ORC2: variants seen among roughly 807,000 people sequenced by gnomAD.
The protein encoded by ORC2 is origin recognition complex subunit 2.
Under a neutral mutation model 77.7 loss-of-function variants are expected in ORC2, and 37 were observed. That is an observed-to-expected ratio of 0.48 (90% CI 0.37 to 0.63). ORC2 has a LOEUF of 0.63. Among genes scored for constraint, ORC2 ranks in the 20% least tolerant of loss-of-function variants. The pLI is 0.00. For synonymous variants in ORC2, 201 were observed against 229.5 expected (o/e 0.88, Z 1.12); for missense variants, 557 against 661.9 (o/e 0.84, Z 1.74).
At chr2:200,951,109 G>A (rs1161774567) in intron 4 of ORC2, among the ~76,000 whole-genome samples, 3 of 152,128 alleles carry the variant, frequency 2.0e-5, no homozygotes, top group Non-Finnish European at 4.4e-5. Context: ...CATATAGTTG[G>A]AATCATACAG....
intron 2 of ORC2, among the ~76,000 whole-genome samples, chr2:200,958,889 C>T (rs2041520465): frequency 6.6e-6 from 1 of 152,216 alleles, no homozygotes. Context: ...CTGCTGCCAG[C>T]TAATCAGTTT....
chr2:200,963,375 C>T (rs958641384), intron 1 of ORC2, 115 bp downstream of exon 1: 2 of 398,182 alleles, frequency 5.0e-6, no homozygotes, highest in Admixed American at 4.4e-5. Context: ...AGATGCGCGA[C>T]TTGGGACGCT....
At chr2:200,952,406 C>A (rs1559023047) in intron 4 of ORC2, among the ~76,000 whole-genome samples, 1 of 151,996 alleles carries the variant, frequency 6.6e-6, no homozygotes, top group South Asian at 2.1e-4. Flanking sequence ...ACTACAGTCG[C>A]CCGCCACCAC....
chr2:200,942,724 C>T lies in ORC2; in HGVS notation c.382G>A (p.Asp128Asn). 1 of 1,610,262 alleles carries T rather than the reference C, an allele frequency of 6.2e-7. No individual in the cohort carries two copies. The highest frequency in any genetic ancestry group is 1.3e-5 in the African/African-American group (1 of 74,964). The change falls in exon 6 of 18, where the codon GAT (aspartate) becomes AAT (asparagine). Residue 128 changes from aspartate (D) to asparagine (N), a missense_variant. By Grantham distance (23) the Asp-to-Asn change is conservative. Transcript: ENST00000234296. ...QKSVSFSLKN[D>N]PEITINVPQS... ...GGAACGTTTATCGTAATCTCAGGATCATTCTTCAAACTGAATGAAACACTT... is the reference window on the plus strand; with the variant it reads ...GGAACGTTTATCGTAATCTCAGGATTATTCTTCAAACTGAATGAAACACTT...
intron 5 of ORC2, among the ~76,000 whole-genome samples, chr2:200,944,196 TAG>T (rs933108609): frequency 8.2e-4 from 125 of 152,034 alleles, no homozygotes; most frequent in Non-Finnish European, 1.1e-3. Flanking sequence ...TTTTTTGAGA[TAG>T]AGTCTTGCTC....
chr2:200,918,836 A>G (rs2040705469), intron 15 of ORC2, among the ~76,000 whole-genome samples: 1 of 152,024 alleles, frequency 6.6e-6, no homozygotes, highest in Non-Finnish European at 1.5e-5. Context: ...ATTTAAAACA[A>G]AAAAATTCAT....
In ORC2 at chr2:200,913,295, C is replaced by G. The variant is rs1465141596; in HGVS notation, c.1647G>C (p.Lys549Asn). Residue 549 changes from lysine to asparagine, a missense_variant and splice_region_variant, in exon 17 of 18, where the codon AAG becomes AAC. Coordinates refer to ENST00000234296, the MANE Select transcript of ORC2 (RefSeq NM_006190.5). ...FRDHKLIRTK[K>N]GTDGVEYLLI... The stretch of plus-strand genomic sequence containing the variant: ...CAATGCTACAATAGTGGAGTCTTAC[C>G]TTCTTTGTTCTTATAAGCTTGTGGT... 6.3e-7 allele frequency: 1 copy of G among 1,589,214 alleles called. No homozygotes were observed. Among genetic ancestry groups the G allele is most frequent in the East Asian group, 2.4e-5 (1 of 42,164 alleles).
intron 7 of ORC2, among the ~76,000 whole-genome samples, chr2:200,939,363 T>C (rs1437610051): frequency 1.3e-5 from 2 of 152,108 alleles, no homozygotes; most frequent in East Asian, 1.9e-4. Flanking sequence ...CTGCAGAAAA[T>C]TCCTGCTCAA....
intron 6 of ORC2, among the ~76,000 whole-genome samples, chr2:200,941,857 G>A (rs1041332540): frequency 6.6e-6 from 1 of 152,048 alleles, no homozygotes; most frequent in African/African-American, 2.4e-5. Context: ...CATGTTGGCA[G>A]GTACCTGTAA....
chr2:200,955,982 C>T (rs1198801892), intron 4 of ORC2, among the ~76,000 whole-genome samples: 1 of 152,216 alleles, frequency 6.6e-6, no homozygotes, highest in African/African-American at 2.4e-5. Context: ...TCTTGAAATG[C>T]TCCTCCTAGT....
chr2:200,947,854 G>C (rs756480449), intron 5 of ORC2, among the ~76,000 whole-genome samples: 20 of 151,842 alleles, frequency 1.3e-4, no homozygotes, highest in Admixed American at 4.6e-4. Flanking sequence ...TCCTGCTTCA[G>C]CCTCCCAAGT....
chr2:200,941,670 G>T (rs941633079), intron 6 of ORC2, among the ~76,000 whole-genome samples: 2 of 151,534 alleles, frequency 1.3e-5, no homozygotes, highest in Admixed American at 1.3e-4. Flanking sequence ...GAAAAACGGA[G>T]CCCTTTTAAA....
At position 200,935,806 on chromosome 2, in the gene ORC2, C is replaced by T. The variant is rs777464679; in HGVS notation, c.601G>A (p.Asp201Asn). The T allele has an allele frequency of 3.1e-6, 5 of 1,614,012 alleles. No individual in the cohort carries two copies. The South Asian group carries it at 4.4e-5, about 14-fold the overall frequency. The change falls in exon 9 of 18, where the codon GAC (aspartate) becomes AAC (asparagine). Residue 201 changes from aspartate (D) to asparagine (N), a missense_variant. Transcript: ENST00000234296. ...DEGVAQEHEE[D>N]TNAVIFSQKI... is the part of the protein sequence containing the mutation. ...TGGCTGAATATGACTGCATTAGTGT[C>T]CTCTTCATGTTCCTGTGCAACCCCT...
At position 200,920,370 on chromosome 2, in the gene ORC2, G is replaced by C; in HGVS notation, c.1318C>G (p.Leu440Val). Residue 440 changes from leucine (L) to valine (V), a missense_variant, in exon 15 of 18, where the codon CTT becomes GTT. By Grantham distance (32) the Leu-to-Val change is conservative (BLOSUM62 1). Transcript: ENST00000234296. ...PLMWDHAKQS[L>V]FNWLWYETTT... Reference sequence around the variant, plus strand: ...GTTTCATACCAGAGCCAGTTAAAAAGACTCTGCTTTGCATGATCCCACACT... The same window carrying C: ...GTTTCATACCAGAGCCAGTTAAAAACACTCTGCTTTGCATGATCCCACACT... 4 of 1,605,066 alleles carry C rather than the reference G, an allele frequency of 2.5e-6. No individual in the cohort carries two copies. Among genetic ancestry groups the C allele is most frequent in the Non-Finnish European group, 3.4e-6 (4 of 1,174,672 alleles).
rs1230204853 is a variant in ORC2 at position 200,943,799 on chromosome 2, A to C, written c.329-1022T>G. ...CTTCGGTCTTCTATATGATTCACTA[A>C]GTTTTTTTTTTTTTTTTAATCTTCC... On this transcript the variant is annotated intron_variant, in intron 5 of 17. Transcript: ENST00000234296. Among the ~76,000 whole-genome samples the C allele has an allele frequency of 3.4e-5, 5 of 148,728 alleles. No homozygotes were observed. The East Asian group carries it at 7.7e-4, about 23-fold the overall frequency.
intron 13 of ORC2, among the ~76,000 whole-genome samples, chr2:200,924,754 T>C (rs1339177352): frequency 1.3e-5 from 2 of 152,038 alleles, no homozygotes; most frequent in African/African-American, 4.8e-5. Flanking sequence ...AAAGAAATAA[T>C]GTTTTATTTA....
In ORC2 at chr2:200,925,889, G is replaced by A. The variant is rs778998737; in HGVS notation, c.1094C>T (p.Thr365Ile). Residue 365 changes from threonine to isoleucine, a missense_variant, in exon 13 of 18, where the codon ACT becomes ATT. Thr to Ile is a moderately conservative substitution (Grantham distance 89, BLOSUM62 -1). Coordinates refer to ENST00000234296, the MANE Select transcript of ORC2 (RefSeq NM_006190.5). Reference protein sequence around the residue: ...ITEEVLDHMGTFRSILDQLDW... With the variant: ...ITEEVLDHMGIFRSILDQLDW... ...TAGCTGATCCAGTATACTGCGGAAA[G>A]TACCCATATGATCGAGGACTTCTTC... 6.2e-7 allele frequency: 1 copy of A among 1,600,736 alleles called. No homozygotes were observed. Among genetic ancestry groups the A allele is most frequent in the Non-Finnish European group, 8.5e-7 (1 of 1,169,852 alleles).
At position 200,909,167 on chromosome 2, in the gene ORC2, G is replaced by C. The variant is rs1029725772; in HGVS notation, c.*2134C>G. The C allele has an allele frequency of 3.3e-5, 5 of 152,144 alleles. No homozygotes were observed. Among genetic ancestry groups the C allele is most frequent in the Non-Finnish European group, 5.9e-5 (4 of 68,032 alleles). 9.4% of individuals were successfully genotyped at this position (152,144 alleles called of 1,614,324 possible). A position where few individuals can be genotyped will look rare whatever the true frequency, so the allele number is the denominator to read the frequency against. On this transcript the variant is annotated 3_prime_UTR_variant, in exon 18 of 18. Coordinates refer to ENST00000234296, the MANE Select transcript of ORC2 (RefSeq NM_006190.5). ...AGCAAAAAAAGCAAGGTGCAAACCA[G>C]CAAGTATGATATATTACCAATTGTG...
chr2:200,935,509 A>G (rs761572539), intron 9 of ORC2, among the ~76,000 whole-genome samples, 190 bp downstream of exon 9: 1 of 152,268 alleles, frequency 6.6e-6, no homozygotes, highest in Non-Finnish European at 1.5e-5. Flanking sequence ...ATTCATGAAT[A>G]TGTAGACAGG....
Sources: gnomAD v4.1 joint callset for allele counts (sites outside exome capture counted in the v4.1 genomes callset) on GRCh38, gnomAD v4.1.1 for gene constraint, MANE v1.5 for transcripts, NCBI Gene and HGNC (gene_info 2026-07-23, HGNC 2026-07-21) for gene names.